SOX5: variants seen among roughly 807,000 people sequenced by gnomAD.
SOX5 encodes SRY-box transcription factor 5, also known as transcription factor SOX-5.
Under a neutral mutation model 92.0 loss-of-function variants are expected in SOX5, and 9 were observed. That is an observed-to-expected ratio of 0.10 (90% CI 0.06 to 0.17). SOX5 has a LOEUF of 0.17. Among genes scored for constraint, SOX5 ranks in the 10% least tolerant of loss-of-function variants. The probability of loss-of-function intolerance (pLI) is 1.00; values close to 1 mark genes in which losing one functional copy is unlikely to be tolerated. For synonymous variants in SOX5, 344 were observed against 336.3 expected, an observed-to-expected ratio of 1.02 and a Z score of -0.25; for missense variants, 642 against 944.5, an observed-to-expected ratio of 0.68 and a Z score of 4.20.
chr12:24,291,088 T>C (rs1946567958), intron 2 of SOX5, among the ~76,000 whole-genome samples: 1 of 152,200 alleles, frequency 6.6e-6, no homozygotes, highest in African/African-American at 2.4e-5. Context: ...TATACTGTCA[T>C]TATTCTCCTT....
chr12:23,855,060 GAA>G (rs11301325), intron 2 of SOX5, among the ~76,000 whole-genome samples: 1 of 150,992 alleles, frequency 6.6e-6, no homozygotes, highest in African/African-American at 2.4e-5. Context: ...AACAAATAAA[GAA>G]AAAAAATAGA....
chr12:23,867,228 A>ATTAGTCCAT (rs1190731197), intron 2 of SOX5, among the ~76,000 whole-genome samples: 1 of 152,150 alleles, frequency 6.6e-6, no homozygotes, highest in African/African-American at 2.4e-5. Flanking sequence ...ACATAGTTCC[A>ATTAGTCCAT]TTAGTCCATT....
intron 9 of SOX5, among the ~76,000 whole-genome samples, chr12:23,583,580 T>C (rs903114138): frequency 7.2e-5 from 11 of 152,132 alleles, no homozygotes; most frequent in Non-Finnish European, 1.0e-4. Context: ...TTTTGTCCTA[T>C]AGTGTTCATT....
intron 1 of SOX5, among the ~76,000 whole-genome samples, chr12:24,462,851 G>T (rs1943793197): frequency 6.6e-6 from 1 of 152,152 alleles, no homozygotes; most frequent in Non-Finnish European, 1.5e-5. Flanking sequence ...ATGAGACAAT[G>T]TATCAAACAG....
chr12:23,966,133 T>C (rs375295836), intron 4 of SOX5, among the ~76,000 whole-genome samples: 54 of 147,962 alleles, frequency 3.6e-4, no homozygotes, highest in Admixed American at 8.3e-4. Flanking sequence ...GGCAAGATGA[T>C]TGTGAATCTA....
intron 1 of SOX5, among the ~76,000 whole-genome samples, chr12:24,385,129 A>C (rs1958247719): frequency 6.6e-6 from 1 of 152,150 alleles, no homozygotes; most frequent in Non-Finnish European, 1.5e-5. Context: ...ATTGTGCCTA[A>C]TTTCTAAATT....
intron 4 of SOX5, among the ~76,000 whole-genome samples, chr12:24,187,524 G>A (rs572018491): frequency 6.6e-5 from 10 of 152,120 alleles, no homozygotes; most frequent in Non-Finnish European, 1.5e-4. Flanking sequence ...ACAAAATTGG[G>A]CATTGTGACT....
intron 10 of SOX5, among the ~76,000 whole-genome samples, chr12:23,572,977 A>T (rs545821680): frequency 6.6e-6 from 1 of 152,150 alleles, no homozygotes; most frequent in East Asian, 1.9e-4. Context: ...TTTGATACAC[A>T]CTCCTTCAGA....
chr12:24,240,749 A>T (rs1018780923), intron 3 of SOX5, among the ~76,000 whole-genome samples: 4 of 152,186 alleles, frequency 2.6e-5, no homozygotes, highest in African/African-American at 9.6e-5. Flanking sequence ...ATTCACTGCA[A>T]AGTTACATGA....
chr12:24,392,333 C>T (rs1055897071), intron 1 of SOX5, among the ~76,000 whole-genome samples: 1 of 152,148 alleles, frequency 6.6e-6, no homozygotes, highest in African/African-American at 2.4e-5. Context: ...TCCCATCACA[C>T]TTAAGATTAA....
chr12:23,776,044 A>G (rs1293199403), intron 3 of SOX5, among the ~76,000 whole-genome samples: 2 of 152,206 alleles, frequency 1.3e-5, no homozygotes, highest in African/African-American at 4.8e-5. Context: ...AAGGAATTAA[A>G]CTGCTTATAA....
chr12:23,875,042 G>T (rs570517569), intron 2 of SOX5, among the ~76,000 whole-genome samples: 1 of 152,164 alleles, frequency 6.6e-6, no homozygotes, highest in Non-Finnish European at 1.5e-5. Context: ...GTTTCCTAGT[G>T]CTGGCCCAAG....
At chr12:23,577,191 A>ATATATATATATT (rs71059907) in intron 9 of SOX5, among the ~76,000 whole-genome samples, 35 of 61,398 alleles carry the variant, frequency 5.7e-4, no homozygotes, top group Non-Finnish European at 9.0e-4. Flanking sequence ...ATATATATAT[A>ATATATATATATT]TTTTTTTTTT....
rs117527806 is a variant in SOX5, at chr12:24,354,305, C to T, written c.-174+14258G>A. Among the ~76,000 whole-genome samples, 82 of 152,322 alleles carry T rather than the reference C, an allele frequency of 5.4e-4. 2 individuals carry two copies. The East Asian group carries it at 9.5e-3, about 18-fold the overall frequency. On this transcript the variant is annotated intron_variant, in intron 2 of 4. Transcript: ENST00000446891. ...ACAAAACAAAAAAATCCCTCAATAG[C>T]CCTAAGCTGGGAAGGGAGTGCACCA...
chr12:24,106,808 A>ATAATAATAATAATAATAATAT (rs1946739200), intron 4 of SOX5, among the ~76,000 whole-genome samples: 1 of 142,574 alleles, frequency 7.0e-6, no homozygotes, highest in South Asian at 2.2e-4. Context: ...AATAATAATA[A>ATAATAATAATAATAATAATAT]TAATAATAAT....
chr12:23,613,267 A>G (rs1487472004), intron 8 of SOX5, among the ~76,000 whole-genome samples: 2 of 152,036 alleles, frequency 1.3e-5, no homozygotes, highest in East Asian at 3.9e-4. Context: ...TTTCAAAATG[A>G]CCTGGATGCA....
At chr12:24,385,918 C>T (rs1216562275) in intron 1 of SOX5, among the ~76,000 whole-genome samples, 3 of 98,340 alleles carry the variant, frequency 3.1e-5, no homozygotes, top group Non-Finnish European at 6.1e-5. Context: ...CAGAGCAAGA[C>T]CTTGTCACAA....
At chr12:24,523,811 A>T (rs907306064) in intron 1 of SOX5, among the ~76,000 whole-genome samples, 1 of 152,218 alleles carries the variant, frequency 6.6e-6, no homozygotes, top group Non-Finnish European at 1.5e-5. Flanking sequence ...CATAAGGGAA[A>T]ATCTTTGTGA....
intron 1 of SOX5, among the ~76,000 whole-genome samples, chr12:23,935,601 C>A (rs923481354): frequency 6.6e-6 from 1 of 151,060 alleles, no homozygotes; most frequent in African/African-American, 2.4e-5. Context: ...TTCCAGTTAG[C>A]CATTACCAAG....
Sources: allele counts gnomAD v4.1 joint callset (sites outside exome capture counted in the v4.1 genomes callset), GRCh38; gene constraint gnomAD v4.1.1; transcripts MANE v1.5; gene names NCBI Gene and HGNC (gene_info 2026-07-23, HGNC 2026-07-21).